Variants in GPBP1 observed in about 807,000 individuals in gnomAD.
GPBP1 encodes GC-rich promoter binding protein 1.
In GPBP1, 13 loss-of-function variants were observed where a neutral mutation model predicts 56.5. That is an observed-to-expected ratio of 0.23 (90% CI 0.15 to 0.37). The LOEUF (loss-of-function observed/expected upper bound fraction) is 0.37. Among genes scored for constraint, GPBP1 ranks in the 10% least tolerant of loss-of-function variants. The pLI, the probability that GPBP1 is intolerant of heterozygous loss-of-function variation, is 1.00. For synonymous variants in GPBP1, 204 were observed against 188.9 expected, an observed-to-expected ratio of 1.08 and a Z score of -0.66; for missense variants, 477 against 572.3, an observed-to-expected ratio of 0.83 and a Z score of 1.70.
chr5:57,183,186 C>T (rs1445254559), intron 2 of GPBP1, among the ~76,000 whole-genome samples: 1 of 151,606 alleles, frequency 6.6e-6, no homozygotes, highest in African/African-American at 2.4e-5. Context: ...ACCAACATGG[C>T]GAAACCCCGT....
chr5:57,185,181 T>C lies in GPBP1; in HGVS notation c.-58+8781T>C, dbSNP rs542777127. 2.3e-4 allele frequency among the ~76,000 whole-genome samples: 35 copies of C among 152,202 alleles called. No individual in the cohort carries two copies. The South Asian group carries it at 6.0e-3, about 26-fold the overall frequency. On this transcript the variant is annotated intron_variant, in intron 2 of 11. Transcript: ENST00000506184. ...CCCGGGTCATGTGAATTGTGTGCCT[T>C]CCCACCAGCAATGGGTGTTAGTTGT...
In GPBP1 at chr5:57,211,573, G is replaced by A. The variant is rs201744494; in HGVS notation, c.-57-2501G>A. Among the ~76,000 whole-genome samples the A allele has an allele frequency of 2.4e-4, 22 of 93,076 alleles. 1 individual carries two copies. In the East Asian group the frequency reaches 4.4e-3, roughly 19 times the overall value. The allele number at this position is 93,076 out of a possible 152,430, so 61.1% of individuals were successfully genotyped here. On this transcript the variant is annotated intron_variant, in intron 2 of 11. Transcript: ENST00000506184. ...GTGATTTTAGTGGTTTGCCTCCGGG[G>A]ATTTTGTTGTTGTTGTTGTTGTTGT...
At chr5:57,262,491 T>C (rs1457276310) in intron 11 of GPBP1, 103 bp from the exon 12 acceptor site, 3 of 837,508 alleles carry the variant, frequency 3.6e-6, no homozygotes, top group Non-Finnish European at 5.6e-6. Context: ...ACTTGTGTAG[T>C]TTTTGGGTTA....
chr5:57,186,547 A>C (rs1248273382), intron 2 of GPBP1, among the ~76,000 whole-genome samples: 1 of 151,674 alleles, frequency 6.6e-6, no homozygotes, highest in Non-Finnish European at 1.5e-5. Context: ...AATTTTTTGC[A>C]TGTGGTGCGA....
Position 57,237,412 on chromosome 5 carries a change from CAT to C in GPBP1, c.478+1383_478+1384del, listed in dbSNP as rs145444819. On this transcript the variant is annotated intron_variant, in intron 6 of 11. Transcript: ENST00000506184. ...CTTAGAAATGATTTAGAGACAAAGA[CAT>C]ATTTGAAAATAATGAGAGTAAAATG... The C allele has an allele frequency of 8.3e-3, 3,916 of 472,044 alleles. 108 individuals carry two copies. The highest frequency in any genetic ancestry group is 0.067 in the African/African-American group (3,467 of 51,904). 29.2% of individuals were successfully genotyped at this position (472,044 alleles called of 1,614,324 possible). A position where few individuals can be genotyped will look rare whatever the true frequency, so the allele number is the denominator to read the frequency against.
intron 4 of GPBP1, 22 bp downstream of exon 4, chr5:57,230,991 TG>T (rs1756430799): frequency 6.3e-7 from 1 of 1,577,634 alleles, no homozygotes; most frequent in Non-Finnish European, 8.6e-7. Context: ...TAAGGAATGA[TG>T]TTTATGGCTA....
chr5:57,239,751 G>T (rs958996682), intron 6 of GPBP1, among the ~76,000 whole-genome samples: 1 of 152,188 alleles, frequency 6.6e-6, no homozygotes, highest in Non-Finnish European at 1.5e-5. Flanking sequence ...CTGCACTCCA[G>T]CCTGGGCGAC....
chr5:57,177,705 T>C (rs1307788634), intron 2 of GPBP1, among the ~76,000 whole-genome samples: 1 of 144,276 alleles, frequency 6.9e-6, no homozygotes, highest in Non-Finnish European at 1.5e-5. Context: ...TTCACCTTGT[T>C]GGTCAGGCTA....
chr5:57,199,134 A>G (rs907395752), intron 2 of GPBP1, among the ~76,000 whole-genome samples: 5 of 152,194 alleles, frequency 3.3e-5, no homozygotes, highest in Non-Finnish European at 5.9e-5. Context: ...TCAGAATACT[A>G]CTATATCAAT....
chr5:57,225,946 A>G (rs577611194), intron 3 of GPBP1, among the ~76,000 whole-genome samples: 1 of 152,372 alleles, frequency 6.6e-6, no homozygotes, highest in African/African-American at 2.4e-5. Context: ...TCATATGCTT[A>G]TCCAGATACC....
At chr5:57,245,731 T>C (rs1482398736) in intron 6 of GPBP1, 1 of 152,238 alleles carries the variant, frequency 6.6e-6, no homozygotes, top group Non-Finnish European at 1.5e-5. Flanking sequence ...TTGGTCTGCA[T>C]TCATATAATG....
At chr5:57,225,916 T>C (rs189404600) in intron 3 of GPBP1, among the ~76,000 whole-genome samples, 146 of 152,360 alleles carry the variant, frequency 9.6e-4, no homozygotes, top group Middle Eastern at 3.4e-3. Flanking sequence ...CAACCTTGTT[T>C]CGTTATGATT....
rs150730592 is a variant in GPBP1 at position 57,251,849 on chromosome 5, G to A, written c.1160+708G>A. Among the ~76,000 whole-genome samples the A allele has an allele frequency of 9.2e-5, 14 of 152,136 alleles. No individual in the cohort carries two copies. In the South Asian group the frequency reaches 1.0e-3, roughly 11 times the overall value. On this transcript the variant is annotated intron_variant, in intron 10 of 11. Coordinates refer to ENST00000506184, the MANE Select transcript of GPBP1 (RefSeq NM_022913.4). ...TTCTCCACATTCTTACCAACACATG[G>A]TACCATCTATCTTTGATTACAGTCA... is the stretch of plus-strand genomic sequence containing the variant.
chr5:57,251,354 A>AT (rs1741377312), intron 10 of GPBP1, among the ~76,000 whole-genome samples: 1 of 152,146 alleles, frequency 6.6e-6, no homozygotes, highest in Non-Finnish European at 1.5e-5. Context: ...GGCAGCTACT[A>AT]TTCTTTCTAT....
At chr5:57,196,183 T>C (rs191772550) in intron 2 of GPBP1, among the ~76,000 whole-genome samples, 1 of 152,112 alleles carries the variant, frequency 6.6e-6, no homozygotes, top group East Asian at 1.9e-4. Flanking sequence ...CTTAATATTT[T>C]GTAGAGCCAA....
chr5:57,260,632 T>G (rs758149466), intron 10 of GPBP1, among the ~76,000 whole-genome samples: 1 of 152,166 alleles, frequency 6.6e-6, no homozygotes, highest in Non-Finnish European at 1.5e-5. Flanking sequence ...GATACACATT[T>G]TTTATGAACT....
intron 11 of GPBP1, 63 bp from the exon 12 acceptor site, chr5:57,262,526 CTTATA>C: frequency 2.5e-6 from 3 of 1,178,924 alleles, no homozygotes; most frequent in South Asian, 1.4e-5. Context: ...TATATTCATG[CTTATA>C]TTATTACAGT....
At chr5:57,240,706 C>T (rs1324844263) in intron 6 of GPBP1, among the ~76,000 whole-genome samples, 1 of 152,026 alleles carries the variant, frequency 6.6e-6, no homozygotes, top group Non-Finnish European at 1.5e-5. Context: ...GGAGTGGTGG[C>T]TCTCACACCT....
Position 57,243,636 on chromosome 5 carries a change from T to TTA in GPBP1, c.479-2664_479-2663insTA, listed in dbSNP as rs990696003. On this transcript the variant is annotated intron_variant, in intron 6 of 11. Transcript: ENST00000506184. ...TGAAATTTGTACTCAGAAACTATATTGAGGCTTAAAGATAGTATATCTACT... is the reference window on the plus strand; with the variant it reads ...TGAAATTTGTACTCAGAAACTATATTTAGAGGCTTAAAGATAGTATATCTACT... Among the ~76,000 whole-genome samples, 79 of 151,538 alleles carry TTA rather than the reference T, an allele frequency of 5.2e-4. 1 individual carries two copies. The highest frequency in any genetic ancestry group is 1.9e-3 in the African/African-American group (79 of 41,296).
Sources: gnomAD v4.1 joint callset for allele counts (sites outside exome capture counted in the v4.1 genomes callset) on GRCh38, gnomAD v4.1.1 for gene constraint, MANE v1.5 for transcripts, NCBI Gene and HGNC (gene_info 2026-07-23, HGNC 2026-07-21) for gene names.